LINGO2: variants seen among roughly 807,000 people sequenced by gnomAD.
LINGO2 encodes leucine-rich repeat and immunoglobulin-like domain-containing nogo receptor-interacting protein 2.
LINGO2 carries 14 observed loss-of-function variants against 30.6 expected under a neutral mutation model. The observed-to-expected ratio is 0.46, with a 90% CI of 0.30 to 0.72. The LOEUF is 0.72. LINGO2 is among the 30% of genes least tolerant of loss of function. The pLI is 0.07. For synonymous variants in LINGO2, 317 were observed against 288.5 expected, an observed-to-expected ratio of 1.10 and a Z score of -1.00; for missense variants, 729 against 751.7, an observed-to-expected ratio of 0.97 and a Z score of 0.35.
the LINGO2 span, among the ~76,000 whole-genome samples, chr9:29,135,129 G>A: frequency 6.6e-6 from 1 of 152,214 alleles, no homozygotes; most frequent in South Asian, 2.1e-4. Context: ...CATAGCTACT[G>A]TATATGTACA....
chr9:28,280,161 T>C (rs1823267644), intron 4 of LINGO2, among the ~76,000 whole-genome samples: 1 of 152,072 alleles, frequency 6.6e-6, no homozygotes, highest in Non-Finnish European at 1.5e-5. Context: ...CATTTGAAAA[T>C]GATGCAAAAG....
chr9:29,025,718 T>C, the LINGO2 span, among the ~76,000 whole-genome samples: 1 of 152,162 alleles, frequency 6.6e-6, no homozygotes, highest in Non-Finnish European at 1.5e-5. Context: ...TTATTAACCA[T>C]AGTCACCATG....
At chr9:28,739,972 C>G in the LINGO2 span, among the ~76,000 whole-genome samples, 1 of 149,504 alleles carries the variant, frequency 6.7e-6, no homozygotes, top group African/African-American at 2.5e-5. Context: ...TAGATGTTAT[C>G]AACCTTGTTT....
At chr9:28,529,807 G>C (rs1185131022) in intron 1 of LINGO2, among the ~76,000 whole-genome samples, 1 of 151,914 alleles carries the variant, frequency 6.6e-6, no homozygotes, top group Non-Finnish European at 1.5e-5. Flanking sequence ...ATGCAAATGA[G>C]TACAGTATAT....
the LINGO2 span, among the ~76,000 whole-genome samples, chr9:28,755,708 G>T: frequency 1.3e-5 from 2 of 152,068 alleles, no homozygotes; most frequent in African/African-American, 4.8e-5. Flanking sequence ...CTACTTAGTA[G>T]AAGTTTAAGA....
chr9:28,491,557 C>G (rs1317439775), intron 1 of LINGO2, among the ~76,000 whole-genome samples: 1 of 152,136 alleles, frequency 6.6e-6, no homozygotes, highest in African/African-American at 2.4e-5. Flanking sequence ...TTTTATTATC[C>G]TCTTCTTTGC....
At chr9:28,630,308 A>G (rs1405593538) in intron 1 of LINGO2, among the ~76,000 whole-genome samples, 1 of 152,126 alleles carries the variant, frequency 6.6e-6, no homozygotes, top group Non-Finnish European at 1.5e-5. Context: ...ATTATAGCAT[A>G]CGTTGTATGT....
intron 4 of LINGO2, among the ~76,000 whole-genome samples, chr9:28,016,682 TA>T (rs72138034): frequency 0.69 from 78,966 of 115,192 alleles, 25,948 homozygotes; most frequent in East Asian, 0.88. Flanking sequence ...ATTAAACCAG[TA>T]AAAAAAAAAA....
At chr9:28,637,673 A>T (rs62548208) in intron 1 of LINGO2, among the ~76,000 whole-genome samples, 15,253 of 152,050 alleles carry the variant, frequency 0.1, 1,067 homozygotes, top group Admixed American at 0.24. Flanking sequence ...ATTGATTTTG[A>T]ATCCTGAGAC....
rs184576776 is a variant in LINGO2, at chr9:27,960,029, C to T, written c.-35-9323G>A. 1.6e-3 allele frequency among the ~76,000 whole-genome samples: 249 copies of T among 151,778 alleles called. 2 individuals are homozygous for T. The highest frequency in any genetic ancestry group is 5.7e-3 in the African/African-American group (235 of 41,384). Reference sequence around the variant, plus strand: ...ATCCATATTTGTATCTAGTAATGTTCCTTGTTTTTAAGTCATCTTTGTTGG... The same window carrying T: ...ATCCATATTTGTATCTAGTAATGTTTCTTGTTTTTAAGTCATCTTTGTTGG... On this transcript the variant is annotated intron_variant, in intron 5 of 5. Coordinates refer to ENST00000379992, the Ensembl canonical transcript of LINGO2.
chr9:27,956,571 T>A (rs535048654), intron 5 of LINGO2, among the ~76,000 whole-genome samples: 16 of 152,346 alleles, frequency 1.1e-4, no homozygotes, highest in Admixed American at 3.9e-4. Context: ...AACATTTTTT[T>A]AATGATTTGT....
At chr9:28,724,087 AG>A in the LINGO2 span, among the ~76,000 whole-genome samples, 1 of 152,174 alleles carries the variant, frequency 6.6e-6, no homozygotes, top group East Asian at 1.9e-4. Flanking sequence ...CACCCCTTTA[AG>A]TAAGCACTGA....
chr9:28,768,894 T>A, the LINGO2 span, among the ~76,000 whole-genome samples: 2 of 152,084 alleles, frequency 1.3e-5, no homozygotes, highest in African/African-American at 4.8e-5. Flanking sequence ...ACATATAATA[T>A]ATACACATAA....
intron 1 of LINGO2, among the ~76,000 whole-genome samples, chr9:28,487,510 T>C (rs935979695): frequency 1.3e-5 from 2 of 152,176 alleles, no homozygotes; most frequent in African/African-American, 4.8e-5. Context: ...GCCACATTTA[T>C]GAGAGCCAAT....
At chr9:28,862,474 A>G in the LINGO2 span, among the ~76,000 whole-genome samples, 1 of 152,090 alleles carries the variant, frequency 6.6e-6, no homozygotes, top group Non-Finnish European at 1.5e-5. Flanking sequence ...AAAATAATAT[A>G]CTGATTTTCT....
intron 5 of LINGO2, among the ~76,000 whole-genome samples, chr9:27,957,156 G>T (rs960423450): frequency 6.6e-6 from 1 of 152,026 alleles, no homozygotes; most frequent in Admixed American, 6.6e-5. Flanking sequence ...AACATTACCT[G>T]GGGACCTTTA....
the LINGO2 span, among the ~76,000 whole-genome samples, chr9:29,076,638 T>A: frequency 6.8e-6 from 1 of 147,568 alleles, no homozygotes; most frequent in African/African-American, 2.5e-5. Flanking sequence ...AATAAATATA[T>A]ATATATAAAA....
chr9:28,094,186 G>C (rs1332551652), intron 4 of LINGO2, among the ~76,000 whole-genome samples: 2 of 152,104 alleles, frequency 1.3e-5, no homozygotes, highest in African/African-American at 4.8e-5. Context: ...GAAAATGACT[G>C]TAAGATGCAT....
chr9:28,777,927 G>A, the LINGO2 span, among the ~76,000 whole-genome samples: 2 of 152,120 alleles, frequency 1.3e-5, no homozygotes, highest in Non-Finnish European at 2.9e-5. Flanking sequence ...ACATCCCATA[G>A]TTCCTTCTGC....
Sources: gnomAD v4.1 joint callset for allele counts (sites outside exome capture counted in the v4.1 genomes callset) on GRCh38, gnomAD v4.1.1 for gene constraint, MANE v1.5 for transcripts, NCBI Gene and HGNC (gene_info 2026-07-23, HGNC 2026-07-21) for gene names.